Variants in METAP1 observed in about 807,000 individuals in gnomAD.
METAP1 encodes methionyl aminopeptidase 1.
In METAP1, 28 loss-of-function variants were observed where a neutral mutation model predicts 53.8. The observed-to-expected ratio is 0.52, with a 90% CI of 0.39 to 0.71. The LOEUF is 0.71. METAP1 is among the 30% of genes least tolerant of loss of function. The pLI, the probability that METAP1 is intolerant of heterozygous loss-of-function variation, is 0.00. For missense variants in METAP1, 389 were observed against 479.8 expected (o/e 0.81, Z 1.77); for synonymous variants, 181 against 165.7 (o/e 1.09, Z -0.71).
intron 10 of METAP1, among the ~76,000 whole-genome samples, chr4:99,060,618 C>A (rs1301283160): frequency 6.6e-6 from 1 of 152,110 alleles, no homozygotes; most frequent in Non-Finnish European, 1.5e-5. Context: ...CCGCCTCGGC[C>A]TCCCAAAGTG....
chr4:99,017,301 A>G lies in METAP1; in HGVS notation c.115-11566A>G, dbSNP rs138740279. Among the ~76,000 whole-genome samples the G allele has an allele frequency of 3.6e-3, 549 of 152,354 alleles. 2 individuals are homozygous for G. The highest frequency in any genetic ancestry group is 0.013 in the African/African-American group (522 of 41,576). On this transcript the variant is annotated intron_variant, in intron 1 of 10. Coordinates refer to ENST00000296411, the MANE Select transcript of METAP1 (RefSeq NM_015143.3). Reference sequence around the variant, plus strand: ...CCCCAAAAGCATACTTACAGCCTGTATAAGTGTTCCTATCTCATTTTCTGG... The same window carrying G: ...CCCCAAAAGCATACTTACAGCCTGTGTAAGTGTTCCTATCTCATTTTCTGG...
At chr4:99,002,447 A>G (rs919886103) in intron 1 of METAP1, among the ~76,000 whole-genome samples, 16 of 152,320 alleles carry the variant, frequency 1.1e-4, no homozygotes, top group African/African-American at 3.4e-4. Context: ...TCTTTTATTC[A>G]TGCTTGGGCA....
At chr4:99,034,153 C>T (rs1186663998) in intron 2 of METAP1, 77 bp from the exon 3 acceptor site, 1 of 857,344 alleles carries the variant, frequency 1.2e-6, no homozygotes, top group Non-Finnish European at 1.9e-6. Context: ...TATGCTGCTG[C>T]TCATTAGCTT....
rs547588837 is a variant in METAP1, at chr4:99,015,946, C to T, written c.115-12921C>T. Among the ~76,000 whole-genome samples the T allele has an allele frequency of 7.9e-5, 12 of 152,254 alleles. No homozygotes were observed. The South Asian group carries it at 8.3e-4, about 11-fold the overall frequency. On this transcript the variant is annotated intron_variant, in intron 1 of 10. Coordinates refer to ENST00000296411, the MANE Select transcript of METAP1 (RefSeq NM_015143.3). Reference sequence around the variant, plus strand: ...CAATCCAGGATTCTGAGGGTGTCGACGCTTTCTTGACTCGAGTGTGATGGG... The same window carrying T: ...CAATCCAGGATTCTGAGGGTGTCGATGCTTTCTTGACTCGAGTGTGATGGG...
chr4:99,029,473 G>T (rs1177556182), intron 2 of METAP1, among the ~76,000 whole-genome samples: 1 of 152,152 alleles, frequency 6.6e-6, no homozygotes, highest in East Asian at 1.9e-4. Flanking sequence ...TGATGTAGCT[G>T]AGATTCACAT....
rs534619383 is a variant in METAP1, at chr4:98,999,646, G to A, written c.114+3779G>A. On this transcript the variant is annotated intron_variant, in intron 1 of 10. Coordinates refer to ENST00000296411, the MANE Select transcript of METAP1 (RefSeq NM_015143.3). ...CTGCTTCAGCCTCCCCAGTAGCTGA[G>A]ATTACAGGTGCGCACCACCACGCCT... 1.9e-4 allele frequency among the ~76,000 whole-genome samples: 28 copies of A among 150,264 alleles called. No individual in the cohort carries two copies. The South Asian group carries it at 6.0e-3, about 32-fold the overall frequency.
At chr4:98,997,458 A>C (rs1722692632) in intron 1 of METAP1, 1 of 154,700 alleles carries the variant, frequency 6.5e-6, no homozygotes, top group Non-Finnish European at 1.5e-5. Flanking sequence ...CGTCCTTTAG[A>C]TTCTTTAAAA....
rs1579316346 is a variant in METAP1 at position 99,045,166 on chromosome 4, C to T, written c.656-13C>T. On this transcript the variant is annotated splice_polypyrimidine_tract_variant and intron_variant, in intron 7 of 10. Coordinates refer to ENST00000296411, the MANE Select transcript of METAP1 (RefSeq NM_015143.3). ...AATAAGTATGGTCTTTATATTTGCA[C>T]ATTCTCTTGCAGTGGATATCACTCT... is the stretch of plus-strand genomic sequence containing the variant. 1 of 1,610,876 alleles carries T rather than the reference C, an allele frequency of 6.2e-7. No homozygotes were observed. The highest frequency in any genetic ancestry group is 8.5e-7 in the Non-Finnish European group (1 of 1,178,026).
intron 1 of METAP1, chr4:99,025,400 G>A: frequency 1.0e-6 from 1 of 985,378 alleles, no homozygotes; most frequent in Non-Finnish European, 1.2e-6. Flanking sequence ...TGAAATGAGA[G>A]CACCTTCTCT....
At chr4:99,042,826 A>G (rs1230187) in intron 6 of METAP1, among the ~76,000 whole-genome samples, 120,613 of 151,874 alleles carry the variant, frequency 0.79, 48,508 homozygotes, top group East Asian at 0.99. Context: ...AAGTGTTCTG[A>G]ATTTTGAATT....
chr4:99,021,430 G>A (rs2602831), intron 1 of METAP1, among the ~76,000 whole-genome samples: 119,352 of 152,030 alleles, frequency 0.79, 47,364 homozygotes, highest in East Asian at 0.99. Flanking sequence ...GGCTGCTGCA[G>A]CAGGGCAGCT....
chr4:99,026,145 T>C (rs1204410235), intron 1 of METAP1: 6 of 808,842 alleles, frequency 7.4e-6, no homozygotes, highest in East Asian at 1.2e-4. Context: ...TCCTTAACTT[T>C]GGCAAAATAA....
intron 1 of METAP1, among the ~76,000 whole-genome samples, chr4:99,014,042 A>G (rs368401153): frequency 1.5e-4 from 23 of 152,340 alleles, no homozygotes; most frequent in African/African-American, 5.0e-4. Context: ...GGCAGAGGAT[A>G]GATTATTAAG....
chr4:99,000,706 C>CT (rs1162206376), intron 1 of METAP1, among the ~76,000 whole-genome samples: 3,098 of 97,780 alleles, frequency 0.032, 42 homozygotes, highest in Non-Finnish European at 0.05. Flanking sequence ...CTCTCTCTCT[C>CT]TTTTTTTTTT....
chr4:99,016,870 T>G (rs1029646852), intron 1 of METAP1, among the ~76,000 whole-genome samples: 3 of 152,262 alleles, frequency 2.0e-5, no homozygotes, highest in South Asian at 4.1e-4. Flanking sequence ...TGTTCCTTGG[T>G]GTAAGTGGGA....
At chr4:99,030,272 G>A (rs1302747260) in intron 2 of METAP1, among the ~76,000 whole-genome samples, 1 of 152,136 alleles carries the variant, frequency 6.6e-6, no homozygotes, top group Non-Finnish European at 1.5e-5. Flanking sequence ...TTCAATACTG[G>A]ATATTTAGGG....
In METAP1 at chr4:99,007,187, G is replaced by A. The variant is rs138273280; in HGVS notation, c.114+11320G>A. On this transcript the variant is annotated intron_variant, in intron 1 of 10. Coordinates refer to ENST00000296411, the MANE Select transcript of METAP1 (RefSeq NM_015143.3). The stretch of plus-strand genomic sequence containing the variant: ...GCCCGGGCTGCTGTCTCACTCCTGG[G>A]CTCAAGTGATCTGCTTGCCTCGGCC... 3.0e-3 allele frequency among the ~76,000 whole-genome samples: 455 copies of A among 152,032 alleles called. 6 individuals are homozygous for A. The highest frequency in any genetic ancestry group is 3.7e-4 in the Non-Finnish European group (25 of 67,972).
intron 10 of METAP1, 149 bp downstream of exon 10, chr4:99,057,967 A>C (rs1011438984): frequency 1.5e-6 from 1 of 679,182 alleles, no homozygotes; most frequent in Non-Finnish European, 2.5e-6. Context: ...ATCGTGAAGA[A>C]CTGAAAATTG....
At chr4:99,039,737 G>A (rs994027564) in intron 5 of METAP1, among the ~76,000 whole-genome samples, 4 of 152,100 alleles carry the variant, frequency 2.6e-5, no homozygotes, top group African/African-American at 2.4e-5. Context: ...GGGATTACAG[G>A]TGCCCACCAC....
Sources: allele counts gnomAD v4.1 joint callset (sites outside exome capture counted in the v4.1 genomes callset), GRCh38; gene constraint gnomAD v4.1.1; transcripts MANE v1.5; gene names NCBI Gene and HGNC (gene_info 2026-07-23, HGNC 2026-07-21).